FHIP1A: variants seen among roughly 807,000 people sequenced by gnomAD.
The protein encoded by FHIP1A is FHF complex subunit HOOK interacting protein 1A, also known as FHF complex subunit HOOK-interacting protein 1A.
A neutral mutation model predicts 88.6 loss-of-function variants in FHIP1A; 61 were observed. The ratio of observed to expected loss-of-function variants is 0.69; its 90% confidence interval spans 0.56 to 0.85. The LOEUF is 0.85. FHIP1A is among the 40% of genes least tolerant of loss of function. The pLI is 0.00. For synonymous variants in FHIP1A, 478 were observed against 496.0 expected, an observed-to-expected ratio of 0.96 and a Z score of 0.48; for missense variants, 1,154 against 1,273.5, an observed-to-expected ratio of 0.91 and a Z score of 1.43.
intron 4 of FHIP1A, among the ~76,000 whole-genome samples, chr4:151,575,361 T>C (rs1578771061): frequency 6.6e-6 from 1 of 152,264 alleles, no homozygotes; most frequent in Non-Finnish European, 1.5e-5. Context: ...TGTGATTGCA[T>C]TCTATTGAGA....
chr4:151,587,518 T>G (rs997679799), intron 6 of FHIP1A, among the ~76,000 whole-genome samples: 1 of 82,842 alleles, frequency 1.2e-5, no homozygotes. Context: ...TTTCTCGGCC[T>G]TTTTTTTTAT....
At chr4:151,517,219 G>A (rs1436694297) in intron 3 of FHIP1A, among the ~76,000 whole-genome samples, 9 of 151,658 alleles carry the variant, frequency 5.9e-5, no homozygotes, top group African/African-American at 2.2e-4. Context: ...ACCAAACACC[G>A]CATATTCTCA....
intron 1 of FHIP1A, among the ~76,000 whole-genome samples, chr4:151,423,401 A>G (rs1350353095): frequency 6.6e-6 from 1 of 152,186 alleles, no homozygotes; most frequent in Non-Finnish European, 1.5e-5. Context: ...GTCTTTGATC[A>G]ATTATGCTCT....
intron 3 of FHIP1A, among the ~76,000 whole-genome samples, chr4:151,526,746 AG>A: frequency 6.7e-6 from 1 of 148,672 alleles, no homozygotes; most frequent in African/African-American, 2.5e-5. Flanking sequence ...TGCTGGGCGG[AG>A]GGGCTCCTCA....
chr4:151,413,543 C>G (rs1218305074), intron 1 of FHIP1A, among the ~76,000 whole-genome samples: 1 of 152,168 alleles, frequency 6.6e-6, no homozygotes, highest in Non-Finnish European at 1.5e-5. Flanking sequence ...CAACCTTCGC[C>G]TCTTGGGTTC....
intron 1 of FHIP1A, among the ~76,000 whole-genome samples, chr4:151,435,087 A>C (rs1213920534): frequency 1.3e-5 from 2 of 152,182 alleles, no homozygotes; most frequent in Non-Finnish European, 2.9e-5. Flanking sequence ...ATAACCTCAA[A>C]CATTTATCTT....
At chr4:151,455,955 T>C (rs544183138) in intron 2 of FHIP1A, among the ~76,000 whole-genome samples, 3 of 152,098 alleles carry the variant, frequency 2.0e-5, no homozygotes, top group African/African-American at 4.8e-5. Flanking sequence ...GAGAACAGAA[T>C]AGAAAAATTT....
At chr4:151,427,318 A>G (rs1377217635) in intron 1 of FHIP1A, among the ~76,000 whole-genome samples, 1 of 152,142 alleles carries the variant, frequency 6.6e-6, no homozygotes, top group African/African-American at 2.4e-5. Context: ...TTCTTTCCAA[A>G]TCAAAAGCTT....
At chr4:151,632,834 A>G (rs974382503) in intron 8 of FHIP1A, among the ~76,000 whole-genome samples, 1 of 152,028 alleles carries the variant, frequency 6.6e-6, no homozygotes, top group Non-Finnish European at 1.5e-5. Flanking sequence ...AAGCAGTACT[A>G]AGAGGGAATT....
chr4:151,557,393 T>G (rs1349196105), intron 3 of FHIP1A, among the ~76,000 whole-genome samples: 1 of 152,170 alleles, frequency 6.6e-6, no homozygotes, highest in Admixed American at 6.5e-5. Context: ...TTTAGAATAG[T>G]CTTTGATTTT....
intron 9 of FHIP1A, among the ~76,000 whole-genome samples, chr4:151,646,155 C>T (rs763012825): frequency 2.4e-4 from 36 of 152,078 alleles, no homozygotes; most frequent in Non-Finnish European, 4.4e-4. Context: ...GGCCCATGAG[C>T]ATAGTGGAGG....
chr4:151,425,454 T>G (rs1196957168), intron 1 of FHIP1A, among the ~76,000 whole-genome samples: 2 of 152,162 alleles, frequency 1.3e-5, no homozygotes, highest in African/African-American at 4.8e-5. Context: ...TATAAAATCA[T>G]GAATAATATG....
chr4:151,552,464 G>A (rs1471681826), intron 3 of FHIP1A, among the ~76,000 whole-genome samples: 1 of 152,116 alleles, frequency 6.6e-6, no homozygotes, highest in African/African-American at 2.4e-5. Flanking sequence ...AAGAAAATGT[G>A]GCACATATAC....
At chr4:151,585,263 C>G (rs189420013) in intron 5 of FHIP1A, among the ~76,000 whole-genome samples, 2 of 152,064 alleles carry the variant, frequency 1.3e-5, no homozygotes, top group Admixed American at 6.5e-5. Flanking sequence ...CTGCAACCTC[C>G]GCCTCCCAGG....
chr4:151,462,412 C>G (rs577296730), intron 2 of FHIP1A, among the ~76,000 whole-genome samples: 1 of 152,258 alleles, frequency 6.6e-6, no homozygotes, highest in African/African-American at 2.4e-5. Flanking sequence ...TCACTAGATT[C>G]TTCAGATAAC....
intron 3 of FHIP1A, among the ~76,000 whole-genome samples, chr4:151,556,874 T>G (rs935266003): frequency 6.6e-6 from 1 of 152,186 alleles, no homozygotes; most frequent in Non-Finnish European, 1.5e-5. Context: ...TATTATTTTT[T>G]GTACATCCTG....
chr4:151,487,142 C>CT (rs1445871877), intron 3 of FHIP1A, among the ~76,000 whole-genome samples: 9 of 152,236 alleles, frequency 5.9e-5, no homozygotes, highest in Admixed American at 4.6e-4. Context: ...GGGAATGTCA[C>CT]TTTTTATTGA....
intron 1 of FHIP1A, among the ~76,000 whole-genome samples, chr4:151,409,998 C>T (rs989444636): frequency 4.6e-5 from 7 of 152,108 alleles, no homozygotes; most frequent in African/African-American, 1.4e-4. Flanking sequence ...GCGTTCAAGT[C>T]GTGGTTATTA....
intron 9 of FHIP1A, among the ~76,000 whole-genome samples, chr4:151,643,656 G>A (rs1303409874): frequency 6.6e-6 from 1 of 151,952 alleles, no homozygotes; most frequent in African/African-American, 2.4e-5. Flanking sequence ...ATTCACTTTT[G>A]TAGCTCCCGC....
Sources: allele counts gnomAD v4.1 joint callset (sites outside exome capture counted in the v4.1 genomes callset), GRCh38; gene constraint gnomAD v4.1.1; transcripts MANE v1.5; gene names NCBI Gene and HGNC (gene_info 2026-07-23, HGNC 2026-07-21).